EIF2AK2: variants seen among roughly 807,000 people sequenced by gnomAD.
EIF2AK2 encodes the protein interferon-induced, double-stranded RNA-activated protein kinase.
EIF2AK2 carries 40 observed loss-of-function variants against 70.5 expected under a neutral mutation model. The observed-to-expected ratio is 0.57, with a 90% CI of 0.44 to 0.74. The LOEUF (loss-of-function observed/expected upper bound fraction) is 0.74, where lower values mean the gene tolerates loss of function less well. Among genes scored for constraint, EIF2AK2 ranks in the 30% least tolerant of loss-of-function variants. The pLI, the probability that EIF2AK2 is intolerant of heterozygous loss-of-function variation, is 0.00. For missense variants in EIF2AK2, 555 were observed against 644.3 expected, an observed-to-expected ratio of 0.86 and a Z score of 1.50; for synonymous variants, 198 against 220.9, an observed-to-expected ratio of 0.90 and a Z score of 0.92.
Position 37,101,922 on chromosome 2 carries a change from C to G in EIF2AK2, c.*5351G>C, listed in dbSNP as rs957205698. 2 of 151,974 alleles carry G rather than the reference C, an allele frequency of 1.3e-5. No homozygotes were observed. Among genetic ancestry groups the G allele is most frequent in the Non-Finnish European group, 2.9e-5 (2 of 68,024 alleles). 9.4% of individuals were successfully genotyped at this position (151,974 alleles called of 1,614,324 possible). On this transcript the variant is annotated 3_prime_UTR_variant, in exon 17 of 17. Transcript: ENST00000233057. ...CTAGAGATACATTTTAAAGTACTTA[C>G]AAGTGCAATGATGTAACACCTGAGA...
chr2:37,117,236 A>G (rs1380205216), intron 13 of EIF2AK2, among the ~76,000 whole-genome samples: 1 of 149,808 alleles, frequency 6.7e-6, no homozygotes, highest in Non-Finnish European at 1.5e-5. Flanking sequence ...AAGAAAAAAG[A>G]AAAAAAGAAA....
In EIF2AK2 at chr2:37,100,008, C is replaced by T. The variant is rs74888798; in HGVS notation, c.*7265G>A. On this transcript the variant is annotated 3_prime_UTR_variant, in exon 17 of 17. Coordinates refer to ENST00000233057, the MANE Select transcript of EIF2AK2 (RefSeq NM_001135651.3). ...AGAAAACAGAGTGAATACTAACGGG[C>T]ATAGGGTTTCTTTTGGGGGTGAGAA... The T allele has an allele frequency of 0.034, 5,225 of 152,218 alleles. 126 individuals carry two copies. Among genetic ancestry groups the T allele is most frequent in the Non-Finnish European group, 0.052 (3,541 of 68,044 alleles). The allele number at this position is 152,218 out of a possible 1,614,324, so 9.4% of individuals were successfully genotyped here. A position where few individuals can be genotyped will look rare whatever the true frequency, so the allele number is the denominator to read the frequency against.
At position 37,114,721 on chromosome 2, in the gene EIF2AK2, G is replaced by C; in HGVS notation, c.1377+10C>G. The stretch of plus-strand genomic sequence containing the variant: ...AAGTAAAATATAGACAGACAGGAAA[G>C]AGACCTTACCTGTTCTGGGCTCATG... On this transcript the variant is annotated intron_variant, in intron 14 of 16. Transcript: ENST00000233057. 6.5e-7 allele frequency: 1 copy of C among 1,536,926 alleles called. No individual in the cohort carries two copies.
At chr2:37,112,048 C>T (rs553119725) in intron 14 of EIF2AK2, among the ~76,000 whole-genome samples, 14 of 151,348 alleles carry the variant, frequency 9.3e-5, no homozygotes, top group Admixed American at 2.6e-4. Context: ...TTACTCTTCT[C>T]CACCCTCATT....
Position 37,107,334 on chromosome 2 carries a change from A to T in EIF2AK2, c.1595T>A (p.Ile532Lys). ...KPEDRPNTSE[I>K]LRTLTVWKKS... is the part of the protein sequence containing the mutation. ...CTTCCACACAGTCAAGGTCCTTAGT[A>T]TTTCAGATGTGTTAGGTCGATCCTC... The change falls in exon 17 of 17, where the codon ATA becomes AAA. Residue 532 changes from isoleucine (I) to lysine (K), a missense_variant. Physicochemically the swap from Ile to Lys is moderately radical, Grantham distance 102. Around this residue, in one of 3 missense-constraint regions of EIF2AK2, gnomAD observed 299 missense variants for 375.4 expected, o/e 0.80. Coordinates refer to ENST00000233057, the MANE Select transcript of EIF2AK2 (RefSeq NM_001135651.3). 1 of 1,614,046 alleles carries T rather than the reference A, an allele frequency of 6.2e-7. No individual in the cohort carries two copies. The highest frequency in any genetic ancestry group is 8.5e-7 in the Non-Finnish European group (1 of 1,179,982).
chr2:37,131,983 G>C (rs1674956535), intron 10 of EIF2AK2, among the ~76,000 whole-genome samples: 1 of 152,172 alleles, frequency 6.6e-6, no homozygotes, highest in Non-Finnish European at 1.5e-5. Flanking sequence ...CTATCTCACA[G>C]CTAAGGGAAC....
At chr2:37,125,355 C>T (rs530821136) in intron 11 of EIF2AK2, among the ~76,000 whole-genome samples, 32 of 152,182 alleles carry the variant, frequency 2.1e-4, no homozygotes, top group African/African-American at 7.0e-4. Flanking sequence ...TGACAAATTA[C>T]GGGGTAGGGC....
Position 37,147,829 on chromosome 2 carries a change from T to C in EIF2AK2, c.-16-7A>G, listed in dbSNP as rs373808248. The C allele has an allele frequency of 1.4e-5, 22 of 1,549,292 alleles. No individual in the cohort carries two copies. The highest frequency in any genetic ancestry group is 1.9e-5 in the Non-Finnish European group (21 of 1,122,674). The stretch of plus-strand genomic sequence containing the variant: ...CATTTCTTCTTCCCGTATCCTACAA[T>C]GGAAGAGACATTTGAATGAGTGATG... On this transcript the variant is annotated splice_region_variant and splice_polypyrimidine_tract_variant and intron_variant, in intron 2 of 16. Transcript: ENST00000233057.
In EIF2AK2 at chr2:37,135,575, C is replaced by T. The variant is rs763525425; in HGVS notation, c.723-29G>A. On this transcript the variant is annotated intron_variant, in intron 9 of 16. Coordinates refer to ENST00000233057, the MANE Select transcript of EIF2AK2 (RefSeq NM_001135651.3). ...AAAATTAAGAGTTGAATGTAAAACTCAAATAAAATTGAAATCAAATATAAC... is the reference window on the plus strand; with the variant it reads ...AAAATTAAGAGTTGAATGTAAAACTTAAATAAAATTGAAATCAAATATAAC... 5 of 1,565,304 alleles carry T rather than the reference C, an allele frequency of 3.2e-6. No individual in the cohort carries two copies. In the African/African-American group the frequency reaches 6.9e-5, roughly 22 times the overall value.
chr2:37,131,026 T>A (rs1464390927), intron 10 of EIF2AK2, among the ~76,000 whole-genome samples: 2 of 152,176 alleles, frequency 1.3e-5, no homozygotes, highest in Non-Finnish European at 2.9e-5. Context: ...AAGTCCCATT[T>A]CCTAAGACAA....
chr2:37,138,752 T>C (rs1675216171), intron 6 of EIF2AK2, among the ~76,000 whole-genome samples, 167 bp from the exon 7 acceptor site: 1 of 152,204 alleles, frequency 6.6e-6, no homozygotes, highest in Non-Finnish European at 1.5e-5. Flanking sequence ...CTGGATTTTA[T>C]TTTATTTTTT....
In EIF2AK2 at chr2:37,134,769, G is replaced by A. The variant is rs147982105; in HGVS notation, c.785+715C>T. 7.0e-3 allele frequency among the ~76,000 whole-genome samples: 1,069 copies of A among 151,684 alleles called. 4 individuals are homozygous for A. The highest frequency in any genetic ancestry group is 0.011 in the Non-Finnish European group (770 of 67,964). ...TATGACAAAGGCTTATTTTTTGTGT[G>A]AGTGGCACCAACACATATCTTTGTC... On this transcript the variant is annotated intron_variant, in intron 10 of 16. Coordinates refer to ENST00000233057, the MANE Select transcript of EIF2AK2 (RefSeq NM_001135651.3).
chr2:37,155,211 G>A (rs777950603), intron 1 of EIF2AK2, among the ~76,000 whole-genome samples: 13 of 152,018 alleles, frequency 8.6e-5, no homozygotes, highest in Admixed American at 2.0e-4. Context: ...GTCTTGGCCT[G>A]GTCAATTTCT....
chr2:37,111,884 T>A (rs1249281147), intron 14 of EIF2AK2, among the ~76,000 whole-genome samples: 9,649 of 54,972 alleles, frequency 0.18, 799 homozygotes, highest in Non-Finnish European at 0.24. Context: ...AAAAAATATA[T>A]ATATATATAT....
rs1675952927 is a variant in EIF2AK2, at chr2:37,156,934, C to G, written c.-210G>C. The G allele has an allele frequency of 5.3e-6, 1 of 187,146 alleles. No homozygotes were observed. The allele number at this position is 187,146 out of a possible 1,614,324, so 11.6% of individuals were successfully genotyped here. ...TGCGCCGCCGCCGCCGCCGCCGCCG[C>G]CGCCGGCCGGAGACCCGCGGCTTCG... On this transcript the variant is annotated 5_prime_UTR_variant, in exon 1 of 17. Transcript: ENST00000233057.
At chr2:37,130,600 G>C (rs937245136) in intron 10 of EIF2AK2, among the ~76,000 whole-genome samples, 1 of 152,094 alleles carries the variant, frequency 6.6e-6, no homozygotes, top group African/African-American at 2.4e-5. Context: ...CTCTGCATTA[G>C]ACCTCAAAGA....
chr2:37,121,937 T>C (rs114298238), intron 12 of EIF2AK2, among the ~76,000 whole-genome samples: 1,583 of 152,288 alleles, frequency 0.01, 29 homozygotes, highest in African/African-American at 0.036. Context: ...GCCAGCTCTT[T>C]AGGATCTCCA....
chr2:37,126,458 C>T (rs1286510367), intron 10 of EIF2AK2, 47 bp from the exon 11 acceptor site: 1 of 1,582,616 alleles, frequency 6.3e-7, no homozygotes, highest in South Asian at 1.2e-5. Context: ...TGCTCAACCC[C>T]CACCCCCCCG....
intron 4 of EIF2AK2, among the ~76,000 whole-genome samples, chr2:37,143,840 A>C (rs554568274): frequency 1.7e-3 from 264 of 151,994 alleles, no homozygotes; most frequent in African/African-American, 5.8e-3. Context: ...ACCCTTGATC[A>C]TGCCACTGCA....
Sources: allele counts gnomAD v4.1 joint callset (sites outside exome capture counted in the v4.1 genomes callset), GRCh38; gene constraint gnomAD v4.1.1; regional missense constraint gnomAD v4.1.1; transcripts MANE v1.5; gene names NCBI Gene and HGNC (gene_info 2026-07-23, HGNC 2026-07-21).